The following CNTN4 variants were observed in gnomAD, a reference collection of about 807,000 sequenced individuals.
The protein encoded by CNTN4 is contactin 4, also known as contactin-4.
Under a neutral mutation model 122.5 loss-of-function variants are expected in CNTN4, and 77 were observed. The ratio of observed to expected loss-of-function variants is 0.63; its 90% CI spans 0.52 to 0.76. CNTN4 has a LOEUF of 0.76. Among genes scored for constraint, CNTN4 ranks in the 30% least tolerant of loss-of-function variants. CNTN4 has a pLI of 0.00. For missense variants in CNTN4, 1,256 were observed against 1,259.1 expected (o/e 1.00, Z 0.04); for synonymous variants, 512 against 447.0 (o/e 1.15, Z -1.83).
chr3:2,385,168 T>C lies in CNTN4; in HGVS notation c.-89+45935T>C, dbSNP rs1575518471. Among the ~76,000 whole-genome samples the C allele has an allele frequency of 2.0e-5, 3 of 152,214 alleles. No homozygotes were observed. Among genetic ancestry groups the C allele is most frequent in the Non-Finnish European group, 2.9e-5 (2 of 68,038 alleles). ...ACTTTAAACCATAATCCATAACTCA[T>C]ATCAACAAGGTTAATCCCAAACTCT... On this transcript the variant is annotated intron_variant, in intron 3 of 24. Transcript: ENST00000418658. This position sits in a 1 kb window ranked among gnomAD's most constrained non-coding sequence, Gnocchi z 4.0.
At chr3:2,588,405 T>A (rs552648773) in intron 4 of CNTN4, among the ~76,000 whole-genome samples, 11 of 152,274 alleles carry the variant, frequency 7.2e-5, no homozygotes, top group African/African-American at 2.6e-4. Context: ...CTCGCACTAT[T>A]GTCTGGGCTG....
At chr3:2,946,827 C>T (rs932327841) in intron 13 of CNTN4, among the ~76,000 whole-genome samples, 1 of 151,594 alleles carries the variant, frequency 6.6e-6, no homozygotes, top group Non-Finnish European at 1.5e-5. Context: ...CCTTCTTAGC[C>T]CCCATGTAGC....
chr3:2,711,137 A>G (rs1005341816), intron 4 of CNTN4, among the ~76,000 whole-genome samples: 1 of 152,168 alleles, frequency 6.6e-6, no homozygotes, highest in Admixed American at 6.5e-5. Context: ...TCCTCAGGCA[A>G]CATAGTGTCA....
intron 2 of CNTN4, among the ~76,000 whole-genome samples, chr3:2,150,146 T>C (rs756916121): frequency 9.8e-5 from 15 of 152,296 alleles, no homozygotes; most frequent in Non-Finnish European, 2.1e-4. Flanking sequence ...AAGAAGCATT[T>C]ACCACAGAGG....
intron 4 of CNTN4, among the ~76,000 whole-genome samples, chr3:2,695,358 A>T (rs971224572): frequency 2.0e-5 from 3 of 152,190 alleles, no homozygotes; most frequent in African/African-American, 7.2e-5. Context: ...GAACCAAGTA[A>T]ACCCCTCTTA....
At chr3:2,882,247 C>CCTA (rs2093920209) in intron 8 of CNTN4, among the ~76,000 whole-genome samples, 1 of 152,010 alleles carries the variant, frequency 6.6e-6, no homozygotes, top group Non-Finnish European at 1.5e-5. Flanking sequence ...CAACTGTAGT[C>CCTA]CTAGCAACTC....
chr3:2,356,068 A>G (rs1389008447), intron 3 of CNTN4, among the ~76,000 whole-genome samples: 1 of 152,106 alleles, frequency 6.6e-6, no homozygotes, highest in African/African-American at 2.4e-5. Flanking sequence ...AATCCAATAC[A>G]GGTATTGGTG....
intron 6 of CNTN4, among the ~76,000 whole-genome samples, chr3:2,807,386 T>TA (rs1481854441): frequency 6.6e-6 from 1 of 152,074 alleles, no homozygotes; most frequent in African/African-American, 2.4e-5. Flanking sequence ...TTAAATGAGA[T>TA]AAAAATATAT....
At chr3:2,782,586 C>T in intron 6 of CNTN4, among the ~76,000 whole-genome samples, 1 of 151,036 alleles carries the variant, frequency 6.6e-6, no homozygotes. Context: ...TAGCATAAGT[C>T]CCAGAACATT....
intron 4 of CNTN4, among the ~76,000 whole-genome samples, chr3:2,692,552 G>A (rs2085798644): frequency 6.6e-6 from 1 of 152,000 alleles, no homozygotes; most frequent in Non-Finnish European, 1.5e-5. Context: ...TCTTTCTGAG[G>A]CCTGTTGCTG....
At chr3:3,017,950 A>G (rs1487059732) in intron 14 of CNTN4, among the ~76,000 whole-genome samples, 1 of 152,134 alleles carries the variant, frequency 6.6e-6, no homozygotes, top group Admixed American at 6.5e-5. Flanking sequence ...CACCAACCCC[A>G]TCCATCATTT....
intron 23 of CNTN4, among the ~76,000 whole-genome samples, chr3:3,048,790 G>A (rs1378518121): frequency 6.6e-6 from 1 of 152,110 alleles, no homozygotes; most frequent in Non-Finnish European, 1.5e-5. Flanking sequence ...TGGGGTGTGG[G>A]TTTATTTTCC....
chr3:2,364,126 G>A (rs1036316547), intron 3 of CNTN4, among the ~76,000 whole-genome samples: 2 of 152,110 alleles, frequency 1.3e-5, no homozygotes, highest in African/African-American at 4.8e-5. Context: ...GGTGGGCAAC[G>A]TGGTATATTT....
intron 4 of CNTN4, among the ~76,000 whole-genome samples, chr3:2,668,539 C>T (rs1559366538): frequency 6.6e-6 from 1 of 152,190 alleles, no homozygotes; most frequent in African/African-American, 2.4e-5. Flanking sequence ...CATCTGCAAA[C>T]AGGGACAATT....
At chr3:2,229,540 A>G (rs2039407248) in intron 2 of CNTN4, among the ~76,000 whole-genome samples, 1 of 152,204 alleles carries the variant, frequency 6.6e-6, no homozygotes, top group South Asian at 2.1e-4. Flanking sequence ...ATAGTTACGT[A>G]AGTATTTGAA....
At chr3:2,135,351 AC>A (rs2034639790) in intron 2 of CNTN4, among the ~76,000 whole-genome samples, 1 of 152,214 alleles carries the variant, frequency 6.6e-6, no homozygotes, top group Non-Finnish European at 1.5e-5. Flanking sequence ...AAATACGAGT[AC>A]TATCTGAAAG....
chr3:2,854,903 A>C (rs1177532771), intron 7 of CNTN4, among the ~76,000 whole-genome samples: 1 of 152,190 alleles, frequency 6.6e-6, no homozygotes, highest in Non-Finnish European at 1.5e-5. Context: ...CTTTCTTCAC[A>C]GAAATTGCTT....
chr3:2,584,892 A>T (rs1576101505), intron 4 of CNTN4, among the ~76,000 whole-genome samples: 1 of 151,716 alleles, frequency 6.6e-6, no homozygotes, highest in Non-Finnish European at 1.5e-5. Context: ...GTAGATACGA[A>T]GTAGGAAGGT....
intron 6 of CNTN4, among the ~76,000 whole-genome samples, chr3:2,817,282 A>G (rs528690763): frequency 2.0e-5 from 3 of 152,240 alleles, no homozygotes; most frequent in Non-Finnish European, 4.4e-5. Context: ...CGTTACATTT[A>G]TGAGAAAATT....
Sources: gnomAD v4.1 joint callset for allele counts (sites outside exome capture counted in the v4.1 genomes callset) on GRCh38, gnomAD v4.1.1 for gene constraint, Gnocchi (gnomAD v3.1) non-coding constraint, MANE v1.5 for transcripts, NCBI Gene and HGNC (gene_info 2026-07-23, HGNC 2026-07-21) for gene names.